Variants in GAS6 observed in about 807,000 individuals in gnomAD.
GAS6 encodes growth arrest-specific protein 6.
GAS6 carries 41 observed loss-of-function variants against 75.8 expected under a neutral mutation model. That is an observed-to-expected ratio of 0.54 (90% confidence interval 0.42 to 0.70). The LOEUF (loss-of-function observed/expected upper bound fraction) is 0.70, where lower values mean the gene tolerates loss of function less well. Among genes scored for constraint, GAS6 ranks in the 30% least tolerant of loss-of-function variants. GAS6 has a pLI of 0.00. For missense variants in GAS6, 854 were observed against 940.2 expected, an observed-to-expected ratio of 0.91 and a Z score of 1.20; for synonymous variants, 432 against 412.6, an observed-to-expected ratio of 1.05 and a Z score of -0.57.
rs944454042 is a variant in GAS6, at chr13:113,834,799, G to T, written c.713-127C>A. On this transcript the variant is annotated intron_variant, in intron 7 of 14. Transcript: ENST00000327773. ...AGGAATTACATGCAGATTCTAACGG[G>T]GGCGGCTTGGGGGTCGCGTCCCCCC... 3.7e-6 allele frequency: 4 copies of T among 1,082,430 alleles called. No individual in the cohort carries two copies. In the African/African-American group the frequency reaches 4.8e-5, roughly 13 times the overall value. 67.1% of individuals were successfully genotyped at this position (1,082,430 alleles called of 1,614,324 possible). A position where few individuals can be genotyped will look rare whatever the true frequency, so the allele number is the denominator to read the frequency against.
At chr13:113,826,345 G>A (rs1180627389) in intron 12 of GAS6, among the ~76,000 whole-genome samples, 1 of 152,196 alleles carries the variant, frequency 6.6e-6, no homozygotes, top group Non-Finnish European at 1.5e-5. Context: ...GCTGTCTCCG[G>A]ACTTTCTGCA....
chr13:113,855,206 G>A (rs551612968), intron 2 of GAS6, among the ~76,000 whole-genome samples: 19 of 152,344 alleles, frequency 1.2e-4, no homozygotes, highest in African/African-American at 4.6e-4. Flanking sequence ...CCATGCTTCA[G>A]GTCGCACACA....
At chr13:113,825,336 A>G (rs2051522862) in intron 12 of GAS6, among the ~76,000 whole-genome samples, 1 of 150,972 alleles carries the variant, frequency 6.6e-6, no homozygotes, top group Admixed American at 6.6e-5. Context: ...TCTCCCCGGG[A>G]AGGTTTCCCG....
chr13:113,851,869 G>A (rs1047751674), intron 2 of GAS6, among the ~76,000 whole-genome samples: 12 of 152,178 alleles, frequency 7.9e-5, no homozygotes, highest in African/African-American at 2.2e-4. Flanking sequence ...AAACCCCCAC[G>A]TGATTTTAAA....
chr13:113,829,530 C>T (rs1405015333), intron 10 of GAS6, among the ~76,000 whole-genome samples: 2 of 144,062 alleles, frequency 1.4e-5, no homozygotes, highest in Non-Finnish European at 3.0e-5. Flanking sequence ...CTGATCCTCA[C>T]CTGGGCCAAG....
chr13:113,858,837 G>A (rs2051940672), intron 2 of GAS6, among the ~76,000 whole-genome samples: 1 of 143,216 alleles, frequency 7.0e-6, no homozygotes, highest in South Asian at 2.2e-4. Flanking sequence ...ATGTGTACAT[G>A]TCTGTTAGTA....
intron 2 of GAS6, among the ~76,000 whole-genome samples, chr13:113,851,689 G>A (rs919741075): frequency 6.6e-6 from 1 of 152,234 alleles, no homozygotes; most frequent in Non-Finnish European, 1.5e-5. Flanking sequence ...GTGAATGAAT[G>A]AATCAGTGGG....
At chr13:113,823,212 G>T (rs555836404) in intron 13 of GAS6, 163 bp downstream of exon 13, 1 of 737,494 alleles carries the variant, frequency 1.4e-6, no homozygotes, top group Non-Finnish European at 2.1e-6. Context: ...CCCGCAGCCC[G>T]AAGCGTGGCC....
chr13:113,862,439 C>CCT (rs2051979506), intron 2 of GAS6, among the ~76,000 whole-genome samples: 1 of 152,220 alleles, frequency 6.6e-6, no homozygotes, highest in Non-Finnish European at 1.5e-5. Context: ...GGCCCACCTG[C>CCT]CTCAGCCAGC....
At chr13:113,824,356 G>A (rs1566352767) in intron 12 of GAS6, among the ~76,000 whole-genome samples, 1 of 148,466 alleles carries the variant, frequency 6.7e-6, no homozygotes, top group Admixed American at 6.7e-5. Context: ...GAGCACCTGC[G>A]GTCTGGGGTC....
At chr13:113,842,512 C>G (rs989438319) in intron 4 of GAS6, 3 of 396,162 alleles carry the variant, frequency 7.6e-6, no homozygotes, top group African/African-American at 6.4e-5. Context: ...GTGCTGTGTC[C>G]GCGGGGCGTC....
At chr13:113,841,615 C>T (rs112250156) in intron 4 of GAS6, 1,502 of 86,638 alleles carry the variant, frequency 0.017, no homozygotes, top group Middle Eastern at 0.051. Context: ...GCCCAGTTTC[C>T]TCCATACACC....
intron 2 of GAS6, among the ~76,000 whole-genome samples, chr13:113,858,177 G>A (rs921725004): frequency 6.6e-6 from 1 of 152,226 alleles, no homozygotes; most frequent in African/African-American, 2.4e-5. Flanking sequence ...CAAAGTTGTA[G>A]AAAGAGAAAA....
At chr13:113,835,291 C>T (rs534892478) in intron 7 of GAS6, among the ~76,000 whole-genome samples, 4 of 152,166 alleles carry the variant, frequency 2.6e-5, no homozygotes, top group Non-Finnish European at 5.9e-5. Flanking sequence ...TGCATGTGTG[C>T]GGTTCGTTCA....
intron 2 of GAS6, among the ~76,000 whole-genome samples, chr13:113,861,075 G>T (rs1183333640): frequency 1.3e-5 from 2 of 151,594 alleles, no homozygotes; most frequent in Non-Finnish European, 1.5e-5. Context: ...TGCACAGCGG[G>T]TGCTTCCGGG....
chr13:113,861,907 G>A (rs962968396), intron 2 of GAS6, among the ~76,000 whole-genome samples: 1 of 152,194 alleles, frequency 6.6e-6, no homozygotes, highest in Non-Finnish European at 1.5e-5. Flanking sequence ...GAGGCTGCTG[G>A]GGCCAGGCTG....
In GAS6 at chr13:113,836,121, C is replaced by T. The variant is rs140786691; in HGVS notation, c.590-486G>A. On this transcript the variant is annotated intron_variant, in intron 6 of 14. Transcript: ENST00000327773. ...GACAGATGCTGTTTACGGCCAAGCA[C>T]CCTGGGGTAGGAGGGGCAACCCTGA... 387 of 947,486 alleles carry T rather than the reference C, an allele frequency of 4.1e-4. 1 individual carries two copies. The African/African-American group carries it at 6.5e-3, about 16-fold the overall frequency. The allele number at this position is 947,486 out of a possible 1,614,324, so 58.7% of individuals were successfully genotyped here. A position where few individuals can be genotyped will look rare whatever the true frequency, so the allele number is the denominator to read the frequency against.
rs1011706974 is a variant in GAS6, at chr13:113,837,894, G to A, written c.589+175C>T. Among the ~76,000 whole-genome samples the A allele has an allele frequency of 4.6e-5, 7 of 152,232 alleles. No individual in the cohort carries two copies. The highest frequency in any genetic ancestry group is 3.9e-4 in the East Asian group (2 of 5,176). Reference sequence around the variant, plus strand: ...GGGTGAGTCATCCTGGTGTGGTGCCGAGCAGCTCCCTGTGCTGCGGCTGGC... The same window carrying A: ...GGGTGAGTCATCCTGGTGTGGTGCCAAGCAGCTCCCTGTGCTGCGGCTGGC... On this transcript the variant is annotated intron_variant, in intron 6 of 14. Coordinates refer to ENST00000327773, the MANE Select transcript of GAS6 (RefSeq NM_000820.4). The surrounding 1 kb of genome is among the most constrained non-coding windows in gnomAD (Gnocchi z 5.1).
At chr13:113,833,434 A>T in intron 8 of GAS6, 1 of 991,798 alleles carries the variant, frequency 1.0e-6, no homozygotes, top group Non-Finnish European at 1.2e-6. Context: ...TGTCCTGGTG[A>T]CTCTTTCCAC....
Sources: gnomAD v4.1 joint callset for allele counts (sites outside exome capture counted in the v4.1 genomes callset) on GRCh38, gnomAD v4.1.1 for gene constraint, Gnocchi (gnomAD v3.1) non-coding constraint, MANE v1.5 for transcripts, NCBI Gene and HGNC (gene_info 2026-07-23, HGNC 2026-07-21) for gene names.